ZSWIM2: variants seen among roughly 807,000 people sequenced by gnomAD.
ZSWIM2 encodes the protein E3 ubiquitin-protein ligase ZSWIM2.
Under a neutral mutation model 48.4 loss-of-function variants are expected in ZSWIM2, and 38 were observed. The ratio of observed to expected loss-of-function variants is 0.79; its 90% confidence interval spans 0.61 to 1.03. The LOEUF (loss-of-function observed/expected upper bound fraction) is 1.03. ZSWIM2 is among the 50% of genes least tolerant of loss of function. ZSWIM2 has a pLI of 0.00. For synonymous variants in ZSWIM2, 240 were observed against 251.3 expected, an observed-to-expected ratio of 0.96 and a Z score of 0.42; for missense variants, 776 against 730.2, an observed-to-expected ratio of 1.06 and a Z score of -0.72.
chr2:186,834,315 G>A (rs1356185070), intron 5 of ZSWIM2, among the ~76,000 whole-genome samples: 1 of 152,108 alleles, frequency 6.6e-6, no homozygotes. Context: ...ACTTTTAGGG[G>A]GCTCTAGGGG....
At chr2:186,840,287 C>A (rs1490702872) in intron 3 of ZSWIM2, among the ~76,000 whole-genome samples, 1 of 151,578 alleles carries the variant, frequency 6.6e-6, no homozygotes, top group African/African-American at 2.4e-5. Context: ...TGCACTGGGG[C>A]AGCAGAAATA....
rs950961230 is a variant in ZSWIM2 at position 186,831,768 on chromosome 2, C to T, written c.941+1352G>A. ...GAAACCATCATTCTCAGCAAACTAT[C>T]GCAAGGACAAAAAACCAAACACCGC... On this transcript the variant is annotated intron_variant, in intron 7 of 8. Transcript: ENST00000295131. Among the ~76,000 whole-genome samples, 6 of 151,970 alleles carry T rather than the reference C, an allele frequency of 3.9e-5. No homozygotes were observed. In the South Asian group the frequency reaches 1.0e-3, roughly 26 times the overall value.
intron 2 of ZSWIM2, among the ~76,000 whole-genome samples, chr2:186,845,511 C>T (rs760054718): frequency 4.0e-5 from 6 of 150,738 alleles, no homozygotes; most frequent in Non-Finnish European, 7.4e-5. Flanking sequence ...AAAAAGTGAT[C>T]GAAATAAAAG....
intron 8 of ZSWIM2, 55 bp from the exon 9 acceptor site, chr2:186,828,845 T>C: frequency 9.5e-7 from 1 of 1,057,234 alleles, no homozygotes; most frequent in Non-Finnish European, 1.2e-6. Flanking sequence ...TATAATATTA[T>C]TCAAGTAAAT....
At chr2:186,846,464 TA>T (rs1692004426) in intron 2 of ZSWIM2, among the ~76,000 whole-genome samples, 1 of 151,892 alleles carries the variant, frequency 6.6e-6, no homozygotes, top group Non-Finnish European at 1.5e-5. Context: ...TGACTATTAT[TA>T]AAAGGTCAAA....
At chr2:186,848,190 T>A (rs1316871085) in intron 1 of ZSWIM2, among the ~76,000 whole-genome samples, 1 of 152,206 alleles carries the variant, frequency 6.6e-6, no homozygotes, top group African/African-American at 2.4e-5. Context: ...GTGAATTTAT[T>A]TAATTTTATT....
chr2:186,831,950 A>G (rs950046811), intron 7 of ZSWIM2, among the ~76,000 whole-genome samples: 1 of 152,060 alleles, frequency 6.6e-6, no homozygotes, highest in Non-Finnish European at 1.5e-5. Context: ...GGTGCAGCAC[A>G]CCAACATGGC....
chr2:186,837,074 G>C (rs1186584469), intron 5 of ZSWIM2, among the ~76,000 whole-genome samples: 2 of 152,070 alleles, frequency 1.3e-5, no homozygotes, highest in Non-Finnish European at 2.9e-5. Context: ...ATCTGGACCA[G>C]AGCTCAAACC....
intron 1 of ZSWIM2, 24 bp from the exon 2 acceptor site, chr2:186,847,819 A>G (rs1418961659): frequency 6.4e-7 from 1 of 1,563,554 alleles, no homozygotes; most frequent in Non-Finnish European, 8.7e-7. Flanking sequence ...ATGCATACTT[A>G]AAAAGACCAG....
chr2:186,831,018 A>G (rs1317885579), intron 7 of ZSWIM2, among the ~76,000 whole-genome samples: 1 of 151,966 alleles, frequency 6.6e-6, no homozygotes, highest in East Asian at 1.9e-4. Flanking sequence ...TATTTTTAGT[A>G]CTCTTTTAAG....
intron 2 of ZSWIM2, among the ~76,000 whole-genome samples, chr2:186,846,723 C>A (rs1692008513): frequency 6.6e-6 from 1 of 151,282 alleles, no homozygotes; most frequent in Non-Finnish European, 1.5e-5. Flanking sequence ...GATACGGAAT[C>A]AACCTAAGTA....
chr2:186,828,359 T>C lies in ZSWIM2; in HGVS notation c.1527A>G (p.Pro509=), dbSNP rs897552868. ...CAATAGGAGGAAGCAGTGTTTGAGA[T>C]GGTATTTTCCCAAATGACACAGTGG... The part of the protein sequence containing the change: ...DLPTVSFGKI[P]SQTLLPPIVH... The change falls in exon 9 of 9, where the codon CCA becomes CCG. Residue 509 remains proline (P), a synonymous_variant. Coordinates refer to ENST00000295131, the MANE Select transcript of ZSWIM2 (RefSeq NM_182521.3). The C allele has an allele frequency of 1.2e-6, 2 of 1,613,810 alleles. No homozygotes were observed. The highest frequency in any genetic ancestry group is 1.3e-5 in the African/African-American group (1 of 75,030).
In ZSWIM2 at chr2:186,833,909, T is replaced by G. The variant is rs560447554; in HGVS notation, c.828+37A>C. ...TGACTTAGCTCTACAACAGGACAAA[T>G]AGAAACACTGTATTAGATTCAAGAT... On this transcript the variant is annotated intron_variant, in intron 6 of 8. Coordinates refer to ENST00000295131, the MANE Select transcript of ZSWIM2 (RefSeq NM_182521.3). 3 of 1,522,190 alleles carry G rather than the reference T, an allele frequency of 2.0e-6. No homozygotes were observed. In the East Asian group the frequency reaches 6.7e-5, roughly 34 times the overall value. The allele number at this position is 1,522,190 out of a possible 1,614,324, so 94.3% of individuals were successfully genotyped here.
At chr2:186,848,942 G>A in intron 1 of ZSWIM2, 24 bp downstream of exon 1, 1 of 1,613,168 alleles carries the variant, frequency 6.2e-7, no homozygotes. Flanking sequence ...ATGGCCAACT[G>A]GGGGCGGTAG....
At chr2:186,836,806 A>T (rs1691800962) in intron 5 of ZSWIM2, among the ~76,000 whole-genome samples, 1 of 152,138 alleles carries the variant, frequency 6.6e-6, no homozygotes, top group South Asian at 2.1e-4. Flanking sequence ...TAGTTGTTGA[A>T]GTATAAGATA....
intron 7 of ZSWIM2, among the ~76,000 whole-genome samples, chr2:186,832,240 G>A (rs112210549): frequency 0.019 from 2,893 of 151,398 alleles, 89 homozygotes; most frequent in African/African-American, 0.066. Flanking sequence ...TCAGCCTCCC[G>A]AGTAGCTGGG....
Position 186,833,931 on chromosome 2 carries a change from A to T in ZSWIM2, c.828+15T>A. The stretch of plus-strand genomic sequence containing the variant: ...AAATAGAAACACTGTATTAGATTCA[A>T]GATGGATACTGTACCTCACGAAATG... On this transcript the variant is annotated intron_variant, in intron 6 of 8. Transcript: ENST00000295131. The T allele has an allele frequency of 6.2e-7, 1 of 1,601,134 alleles. No homozygotes were observed. The highest frequency in any genetic ancestry group is 1.1e-5 in the South Asian group (1 of 90,708).
At chr2:186,841,518 A>T (rs998844812) in intron 3 of ZSWIM2, among the ~76,000 whole-genome samples, 9 of 151,352 alleles carry the variant, frequency 5.9e-5, no homozygotes, top group Non-Finnish European at 1.5e-5. Flanking sequence ...AAATATTAAC[A>T]CTTCTACTCC....
chr2:186,842,446 T>C (rs1366829339), intron 3 of ZSWIM2, among the ~76,000 whole-genome samples: 1 of 151,332 alleles, frequency 6.6e-6, no homozygotes, highest in Non-Finnish European at 1.5e-5. Flanking sequence ...TCTCAAATTA[T>C]AAAGGATTAA....
Sources: gnomAD v4.1 joint callset for allele counts (sites outside exome capture counted in the v4.1 genomes callset) on GRCh38, gnomAD v4.1.1 for gene constraint, MANE v1.5 for transcripts, NCBI Gene and HGNC (gene_info 2026-07-23, HGNC 2026-07-21) for gene names.